MAP4K3: variants seen among roughly 807,000 people sequenced by gnomAD.
MAP4K3 encodes mitogen-activated protein kinase kinase kinase kinase 3.
Under a neutral mutation model 143.5 loss-of-function variants are expected in MAP4K3, and 94 were observed. The observed-to-expected ratio is 0.65, with a 90% confidence interval of 0.55 to 0.78. The LOEUF is 0.78. Ranked by LOEUF, MAP4K3 falls within the 30% of genes least tolerant of loss-of-function variation. The probability of loss-of-function intolerance (pLI) is 0.00; values close to 1 mark genes in which losing one functional copy is unlikely to be tolerated. For synonymous variants in MAP4K3, 416 were observed against 347.2 expected, an observed-to-expected ratio of 1.20 and a Z score of -2.20; for missense variants, 1,077 against 1,068.1, an observed-to-expected ratio of 1.01 and a Z score of -0.12.
intron 4 of MAP4K3, among the ~76,000 whole-genome samples, chr2:39,337,804 C>A (rs184125881): frequency 7.5e-6 from 1 of 134,072 alleles, no homozygotes; most frequent in African/African-American, 2.8e-5. Context: ...ATTATGTCAC[C>A]CAGGCTGGAG....
At chr2:39,343,693 CA>C (rs1665205477) in intron 3 of MAP4K3, among the ~76,000 whole-genome samples, 1 of 152,048 alleles carries the variant, frequency 6.6e-6, no homozygotes, top group Non-Finnish European at 1.5e-5. Context: ...TGTTATCAGG[CA>C]CATCCAAATA....
intron 3 of MAP4K3, among the ~76,000 whole-genome samples, chr2:39,348,026 C>T (rs947872306): frequency 1.3e-5 from 2 of 152,104 alleles, no homozygotes; most frequent in African/African-American, 2.4e-5. Flanking sequence ...ATCACATTTG[C>T]TGAACTTTCA....
chr2:39,421,538 T>G (rs968400898), intron 1 of MAP4K3, among the ~76,000 whole-genome samples: 2 of 152,100 alleles, frequency 1.3e-5, no homozygotes, highest in African/African-American at 4.8e-5. Context: ...TTTCTTTTTG[T>G]GTCTCAGTTT....
At chr2:39,320,982 A>T (rs1257494095) in intron 12 of MAP4K3, among the ~76,000 whole-genome samples, 1 of 152,204 alleles carries the variant, frequency 6.6e-6, no homozygotes, top group Non-Finnish European at 1.5e-5. Flanking sequence ...AAAAATATAC[A>T]AATTTAAAAG....
At chr2:39,434,329 T>C (rs1409553962) in intron 1 of MAP4K3, among the ~76,000 whole-genome samples, 4 of 152,186 alleles carry the variant, frequency 2.6e-5, no homozygotes, top group Non-Finnish European at 5.9e-5. Flanking sequence ...AACTTGATTA[T>C]AGACAAAAAC....
At chr2:39,301,157 T>C (rs1004399410) in intron 15 of MAP4K3, among the ~76,000 whole-genome samples, 12 of 152,154 alleles carry the variant, frequency 7.9e-5, no homozygotes, top group African/African-American at 2.7e-4. Context: ...AAAATTAAAA[T>C]CAAAATCCTG....
chr2:39,342,438 T>C (rs1665170962), intron 4 of MAP4K3, among the ~76,000 whole-genome samples: 1 of 152,158 alleles, frequency 6.6e-6, no homozygotes, highest in Admixed American at 6.5e-5. Context: ...CCCTTCATCA[T>C]CCTTTTTCTA....
At chr2:39,345,921 C>CAAAAAAA (rs66729858) in intron 3 of MAP4K3, among the ~76,000 whole-genome samples, 1 of 15,844 alleles carries the variant, frequency 6.3e-5, no homozygotes, top group African/African-American at 2.1e-4. Context: ...GACTCTGTCT[C>CAAAAAAA]AAAAAAAAAA....
intron 1 of MAP4K3, among the ~76,000 whole-genome samples, chr2:39,382,355 A>T (rs571169440): frequency 6.6e-6 from 1 of 152,340 alleles, no homozygotes; most frequent in Non-Finnish European, 1.5e-5. Context: ...GAGTACTCAA[A>T]CCTTACTATG....
chr2:39,291,761 C>T (rs1390224514), intron 18 of MAP4K3, among the ~76,000 whole-genome samples: 3 of 152,070 alleles, frequency 2.0e-5, no homozygotes, highest in African/African-American at 7.2e-5. Context: ...GGTGCAGTCC[C>T]AGCTACTCAG....
rs565186348 is a variant in MAP4K3 at position 39,396,647 on chromosome 2, G to C, written c.97-18524C>G. On this transcript the variant is annotated intron_variant, in intron 1 of 33. Transcript: ENST00000263881. The stretch of plus-strand genomic sequence containing the variant: ...CGCCACTACGCCCGGCTAATTTTTC[G>C]TATTTTTAGTACAGACGGGGTTTCA... 3.9e-5 allele frequency among the ~76,000 whole-genome samples: 6 copies of C among 151,942 alleles called. No individual in the cohort carries two copies. The East Asian group carries it at 1.2e-3, about 30-fold the overall frequency.
chr2:39,365,273 G>A (rs1054642550), intron 2 of MAP4K3, among the ~76,000 whole-genome samples: 2 of 152,066 alleles, frequency 1.3e-5, no homozygotes, highest in South Asian at 4.1e-4. Context: ...ATTCCAAAGG[G>A]AGGAGGGTAT....
intron 24 of MAP4K3, among the ~76,000 whole-genome samples, chr2:39,273,901 G>C (rs1448310661): frequency 6.6e-6 from 1 of 152,288 alleles, no homozygotes; most frequent in Admixed American, 6.5e-5. Context: ...AGGTAGAGAA[G>C]GGGCAATGAC....
intron 18 of MAP4K3, among the ~76,000 whole-genome samples, chr2:39,292,038 T>TAA (rs562147179): frequency 2.1e-5 from 3 of 143,692 alleles, no homozygotes; most frequent in African/African-American, 7.7e-5. Flanking sequence ...GCATCTTTAT[T>TAA]AAAAAAAAAA....
At chr2:39,273,625 G>C (rs1263131911) in intron 24 of MAP4K3, among the ~76,000 whole-genome samples, 2 of 152,102 alleles carry the variant, frequency 1.3e-5, no homozygotes, top group African/African-American at 2.4e-5. Flanking sequence ...AACTAAAAGA[G>C]AAAAGGTAAT....
chr2:39,412,041 A>G (rs1244464566), intron 1 of MAP4K3, among the ~76,000 whole-genome samples: 1 of 152,248 alleles, frequency 6.6e-6, no homozygotes, highest in Non-Finnish European at 1.5e-5. Flanking sequence ...TGCATTTCCC[A>G]AAGTGTGTTC....
chr2:39,394,253 C>A (rs1354800628), intron 1 of MAP4K3, among the ~76,000 whole-genome samples: 1 of 152,174 alleles, frequency 6.6e-6, no homozygotes, highest in Non-Finnish European at 1.5e-5. Context: ...TGGATATTTA[C>A]TTCAATTGCA....
chr2:39,383,636 A>G (rs10170604), intron 1 of MAP4K3, among the ~76,000 whole-genome samples: 145,600 of 151,852 alleles, frequency 0.96, 70,136 homozygotes, highest in East Asian at 1. Context: ...TAATTCTACC[A>G]GTACAATAAG....
At chr2:39,406,901 G>C (rs896056402) in intron 1 of MAP4K3, among the ~76,000 whole-genome samples, 1 of 152,142 alleles carries the variant, frequency 6.6e-6, no homozygotes, top group African/African-American at 2.4e-5. Context: ...CTTCTCAATT[G>C]AGGCTAGCAT....
Sources: gnomAD v4.1 joint callset for allele counts (sites outside exome capture counted in the v4.1 genomes callset) on GRCh38, gnomAD v4.1.1 for gene constraint, MANE v1.5 for transcripts, NCBI Gene and HGNC (gene_info 2026-07-23, HGNC 2026-07-21) for gene names.